TRMT2B: variants seen among roughly 807,000 people sequenced by gnomAD.
TRMT2B encodes tRNA (uracil-5-)-methyltransferase homolog B.
TRMT2B carries 34 observed loss-of-function variants against 39.7 expected under a neutral mutation model. The observed-to-expected ratio is 0.86, with a 90% CI of 0.65 to 1.14. The LOEUF (loss-of-function observed/expected upper bound fraction) is 1.14, where lower values mean the gene tolerates loss of function less well. Among genes scored for constraint, TRMT2B ranks in the 50% most tolerant of loss-of-function variants. The pLI is 0.00. For synonymous variants in TRMT2B, 132 were observed against 137.3 expected (o/e 0.96, Z 0.27); for missense variants, 318 against 377.2 (o/e 0.84, Z 1.30).
chrX:101,038,364 T>A, intron 4 of TRMT2B, among the ~76,000 whole-genome samples: 1 of 58,818 alleles, frequency 1.7e-5, no homozygotes. Flanking sequence ...AGAGCGAAAC[T>A]CCGTCTCAAA....
the TRMT2B span, among the ~76,000 whole-genome samples, chrX:100,977,820 T>C: frequency 8.9e-6 from 1 of 112,583 alleles, no homozygotes; most frequent in African/African-American, 3.2e-5. Context: ...CCCGTGTTGC[T>C]GCAAATGACA....
chrX:101,018,598 C>T (rs186592939), intron 13 of TRMT2B, among the ~76,000 whole-genome samples: 9 of 110,071 alleles, frequency 8.2e-5, no homozygotes, highest in Admixed American at 2.9e-4. Context: ...TACAGGCGCA[C>T]GCCACCATGC....
intron 3 of TRMT2B, 150 bp downstream of exon 3, chrX:101,041,892 C>T (rs1287640268): frequency 1.6e-6 from 1 of 609,507 alleles, no homozygotes; most frequent in East Asian, 3.4e-5. Flanking sequence ...CAATATTCTT[C>T]AGACGTCCTC....
At chrX:101,040,350 G>T (rs1320979141) in intron 4 of TRMT2B, among the ~76,000 whole-genome samples, 1 of 109,729 alleles carries the variant, frequency 9.1e-6, no homozygotes, top group African/African-American at 3.3e-5. Context: ...TAAAAAGAGG[G>T]CTATGTGAGT....
downstream of TRMT2B, among the ~76,000 whole-genome samples, chrX:101,006,722 G>C (rs1004143197): frequency 1.8e-5 from 2 of 109,828 alleles, no homozygotes; most frequent in African/African-American, 6.6e-5. Flanking sequence ...AGGATCCCTT[G>C]AGCCCCGGAG....
the TRMT2B span, chrX:100,990,829 G>A: frequency 1.5e-5 from 5 of 339,386 alleles, no homozygotes; most frequent in Non-Finnish European, 2.6e-5. Context: ...TCTTTGCTGA[G>A]AATTATGCTC....
rs1486461246 is a variant in TRMT2B at position 101,044,268 on chromosome X, A to G, written c.-23-1956T>C. ...AAAAGAGAAAAAAAAAAAAAAAAAA[A>G]GCAAGTTCATGTTTGAGACATATTG... On this transcript the variant is annotated intron_variant, in intron 2 of 13. Transcript: ENST00000372936. Among the ~76,000 whole-genome samples the G allele has an allele frequency of 7.4e-5, 8 of 108,227 alleles. No homozygotes were observed. The East Asian group carries it at 8.5e-4, about 11-fold the overall frequency. 94.0% of individuals were successfully genotyped at this position (108,227 alleles called of 115,157 possible).
chrX:100,983,359 T>C, the TRMT2B span, among the ~76,000 whole-genome samples: 1 of 110,932 alleles, frequency 9.0e-6, no homozygotes, highest in South Asian at 3.9e-4. Flanking sequence ...TTTTAACCTA[T>C]TCACTTTTTT....
In TRMT2B at chrX:101,049,006, A is replaced by C. The variant is rs753505239; in HGVS notation, c.-24+2245T>G. On this transcript the variant is annotated intron_variant, in intron 2 of 13. Transcript: ENST00000372936. ...ATATCACTTGGTTTCTTCATGCCTC[A>C]ACATCTCCAACCTGCAAAACTGACA... 3.6e-5 allele frequency among the ~76,000 whole-genome samples: 4 copies of C among 112,121 alleles called. No homozygotes were observed. The East Asian group carries it at 1.1e-3, about 32-fold the overall frequency.
At chrX:100,986,707 C>T in the TRMT2B span, 1 of 543,826 alleles carries the variant, frequency 1.8e-6, no homozygotes, top group South Asian at 3.6e-5. Context: ...AATTTGTTCT[C>T]CTCCTCTTTC....
intron 13 of TRMT2B, among the ~76,000 whole-genome samples, chrX:101,012,364 C>T (rs1045968499): frequency 7.4e-5 from 8 of 108,707 alleles, no homozygotes; most frequent in Middle Eastern, 4.3e-3. Flanking sequence ...GGTACATGTG[C>T]ACAATGTGCA....
chrX:101,039,848 C>T (rs760262150), intron 4 of TRMT2B, among the ~76,000 whole-genome samples: 1 of 106,053 alleles, frequency 9.4e-6, no homozygotes, highest in South Asian at 4.2e-4. Flanking sequence ...TGCAGTGAGC[C>T]ATAATCACAC....
At chrX:100,992,989 T>C in the TRMT2B span, among the ~76,000 whole-genome samples, 1 of 112,134 alleles carries the variant, frequency 8.9e-6, no homozygotes, top group African/African-American at 3.2e-5. Flanking sequence ...CAACCCCATC[T>C]GGAAGGTCTG....
At chrX:101,032,146 C>G (rs755456223) in intron 7 of TRMT2B, among the ~76,000 whole-genome samples, 2 of 110,581 alleles carry the variant, frequency 1.8e-5, no homozygotes, top group East Asian at 5.7e-4. Context: ...ATTAGCCAAG[C>G]GTGGTGGCAG....
chrX:100,992,331 A>G, the TRMT2B span, among the ~76,000 whole-genome samples: 1 of 111,814 alleles, frequency 8.9e-6, no homozygotes, highest in South Asian at 3.7e-4. Context: ...GCTCATGCCT[A>G]GCACCTTGGG....
At chrX:101,000,744 A>C in the TRMT2B span, among the ~76,000 whole-genome samples, 1 of 110,786 alleles carries the variant, frequency 9.0e-6, no homozygotes, top group African/African-American at 3.3e-5. Context: ...TTAGAGACCA[A>C]AAATCCAACG....
chrX:101,012,922 G>A (rs1429374910), intron 13 of TRMT2B, among the ~76,000 whole-genome samples: 3 of 110,260 alleles, frequency 2.7e-5, no homozygotes, highest in African/African-American at 6.6e-5. Context: ...GGATTCAAGC[G>A]ATTTTCCTGC....
chrX:101,011,938 A>G (rs1348070557), intron 13 of TRMT2B, among the ~76,000 whole-genome samples: 2 of 111,619 alleles, frequency 1.8e-5, no homozygotes, highest in African/African-American at 3.3e-5. Context: ...TTCAGGGGCA[A>G]TAACATACAT....
Position 101,044,668 on chromosome X carries a change from C to T in TRMT2B, c.-23-2356G>A, listed in dbSNP as rs181070546. 3.7e-3 allele frequency among the ~76,000 whole-genome samples: 410 copies of T among 110,291 alleles called. 2 individuals carry two copies. The highest frequency in any genetic ancestry group is 0.013 in the African/African-American group (389 of 30,412). Reference sequence around the variant, plus strand: ...GTCAGGAGTTCGAGACCAGAAACCCCGTCTCTACGAAAAATACAAAAATTA... The same window carrying T: ...GTCAGGAGTTCGAGACCAGAAACCCTGTCTCTACGAAAAATACAAAAATTA... On this transcript the variant is annotated intron_variant, in intron 2 of 13. Coordinates refer to ENST00000372936, the MANE Select transcript of TRMT2B (RefSeq NM_024917.6).
Sources: gnomAD v4.1 joint callset for allele counts (sites outside exome capture counted in the v4.1 genomes callset) on GRCh38, gnomAD v4.1.1 for gene constraint, MANE v1.5 for transcripts, NCBI Gene and HGNC (gene_info 2026-07-23, HGNC 2026-07-21) for gene names.